The following MAP3K7 variants were observed in gnomAD, a reference collection of about 807,000 sequenced individuals.
The protein encoded by MAP3K7 is mitogen-activated protein kinase kinase kinase 7.
A neutral mutation model predicts 84.8 loss-of-function variants in MAP3K7; 21 were observed. The ratio of observed to expected loss-of-function variants is 0.25; its 90% confidence interval spans 0.18 to 0.36. The LOEUF (loss-of-function observed/expected upper bound fraction) is 0.36, where lower values mean the gene tolerates loss of function less well. Ranked by LOEUF, MAP3K7 falls within the 10% of genes least tolerant of loss-of-function variation. MAP3K7 has a pLI of 1.00. For missense variants in MAP3K7, 503 were observed against 747.7 expected, an observed-to-expected ratio of 0.67 and a Z score of 3.82; for synonymous variants, 241 against 247.7, an observed-to-expected ratio of 0.97 and a Z score of 0.25.
intron 3 of MAP3K7, among the ~76,000 whole-genome samples, chr6:90,566,850 G>A (rs917594528): frequency 6.6e-6 from 1 of 152,042 alleles, no homozygotes; most frequent in Non-Finnish European, 1.5e-5. Flanking sequence ...GCACGGTACT[G>A]GTACCAAAAC....
chr6:90,562,166 C>A (rs1278840839), intron 3 of MAP3K7, among the ~76,000 whole-genome samples: 1 of 152,200 alleles, frequency 6.6e-6, no homozygotes, highest in Admixed American at 6.5e-5. Context: ...GTAAGCGACG[C>A]AGAAGATAGG....
At chr6:90,519,975 TCAAA>T (rs1319238652) in intron 14 of MAP3K7, among the ~76,000 whole-genome samples, 1 of 152,010 alleles carries the variant, frequency 6.6e-6, no homozygotes, top group Admixed American at 6.6e-5. Flanking sequence ...GTTGATTAAT[TCAAA>T]CAATCAGTCA....
chr6:90,573,782 T>C (rs994592122), intron 1 of MAP3K7, among the ~76,000 whole-genome samples: 1 of 152,248 alleles, frequency 6.6e-6, no homozygotes, highest in Non-Finnish European at 1.5e-5. Flanking sequence ...ATCAGTGGCT[T>C]AAAGGAAATG....
intron 3 of MAP3K7, among the ~76,000 whole-genome samples, chr6:90,565,843 C>T (rs1390118192): frequency 6.6e-6 from 1 of 152,148 alleles, no homozygotes; most frequent in Admixed American, 6.5e-5. Flanking sequence ...AATCCAGCAG[C>T]CCATCAAAAA....
rs553708122 is a variant in MAP3K7, at chr6:90,576,910, T to C, written c.121-5103A>G. Among the ~76,000 whole-genome samples the C allele has an allele frequency of 3.9e-5, 6 of 152,318 alleles. No individual in the cohort carries two copies. The South Asian group carries it at 6.2e-4, about 16-fold the overall frequency. On this transcript the variant is annotated intron_variant, in intron 1 of 16. Coordinates refer to ENST00000369329, the MANE Select transcript of MAP3K7 (RefSeq NM_145331.3). ...GCAGAGGTTGGATCCTGAACGGCTC[T>C]ACCTACCATAAAAAGGAGTTTGAAT...
chr6:90,583,673 C>G (rs1014888462), intron 1 of MAP3K7, among the ~76,000 whole-genome samples: 5 of 152,124 alleles, frequency 3.3e-5, no homozygotes, highest in Admixed American at 6.5e-5. Context: ...TAACCACAGG[C>G]CCAGAAAAAT....
intron 7 of MAP3K7, 50 bp from the exon 8 acceptor site, chr6:90,552,229 A>C: frequency 6.5e-7 from 1 of 1,528,096 alleles, no homozygotes; most frequent in Non-Finnish European, 9.0e-7. Context: ...TACCCAAAGA[A>C]TGATGCAAAC....
At chr6:90,572,135 A>G (rs1776926502) in intron 1 of MAP3K7, among the ~76,000 whole-genome samples, 2 of 152,086 alleles carry the variant, frequency 1.3e-5, no homozygotes. Context: ...AAAACAGACA[A>G]GATGAATGAG....
At position 90,586,951 on chromosome 6, in the gene MAP3K7, C is replaced by T. The variant is rs1289790682; in HGVS notation, c.-68G>A. 1.2e-5 allele frequency: 18 copies of T among 1,483,030 alleles called. No individual in the cohort carries two copies. Among genetic ancestry groups the T allele is most frequent in the Non-Finnish European group, 1.6e-5 (18 of 1,124,442 alleles). 91.9% of individuals were successfully genotyped at this position (1,483,030 alleles called of 1,614,324 possible). Reference sequence around the variant, plus strand: ...GGACAATCCGGGTGAGACCCGCGCCCACCCGCCTCCGGACCGACCCTCAGC... The same window carrying T: ...GGACAATCCGGGTGAGACCCGCGCCTACCCGCCTCCGGACCGACCCTCAGC... On this transcript the variant is annotated 5_prime_UTR_variant, in exon 1 of 17. Coordinates refer to ENST00000369329, the MANE Select transcript of MAP3K7 (RefSeq NM_145331.3).
intron 4 of MAP3K7, among the ~76,000 whole-genome samples, chr6:90,560,861 T>C (rs1192810473): frequency 6.6e-6 from 1 of 152,114 alleles, no homozygotes; most frequent in African/African-American, 2.4e-5. Flanking sequence ...TATGGCACAC[T>C]ACTACAAGAG....
At chr6:90,531,570 G>C (rs566588012) in intron 13 of MAP3K7, among the ~76,000 whole-genome samples, 46 of 152,244 alleles carry the variant, frequency 3.0e-4, no homozygotes, top group African/African-American at 1.0e-3. Flanking sequence ...CTGTAGGCTT[G>C]ATCTATTTTG....
At chr6:90,556,440 C>T in intron 6 of MAP3K7, 60 bp downstream of exon 6, 2 of 1,550,274 alleles carry the variant, frequency 1.3e-6, no homozygotes, top group Non-Finnish European at 1.7e-6. Flanking sequence ...TCTATAAAAA[C>T]ATATGAATTC....
At chr6:90,547,909 T>C in intron 10 of MAP3K7, 138 bp downstream of exon 10, 1 of 657,098 alleles carries the variant, frequency 1.5e-6, no homozygotes, top group South Asian at 2.8e-5. Flanking sequence ...CGTGTCTCTA[T>C]TTGTAAGCTC....
intron 1 of MAP3K7, among the ~76,000 whole-genome samples, chr6:90,576,686 AAAG>A (rs1777094918): frequency 6.6e-6 from 1 of 152,188 alleles, no homozygotes; most frequent in African/African-American, 2.4e-5. Flanking sequence ...GCTAAGAAGA[AAAG>A]GAGTATAATT....
At chr6:90,568,496 C>A in intron 3 of MAP3K7, 62 bp downstream of exon 3, 1 of 1,368,074 alleles carries the variant, frequency 7.3e-7, no homozygotes, top group Non-Finnish European at 1.0e-6. Flanking sequence ...GCTACATAAA[C>A]TACACACACA....
At chr6:90,576,804 G>A (rs761873500) in intron 1 of MAP3K7, among the ~76,000 whole-genome samples, 44 of 152,292 alleles carry the variant, frequency 2.9e-4, no homozygotes, top group South Asian at 4.1e-4. Context: ...ATGATTTAGA[G>A]AAATACTTGG....
intron 7 of MAP3K7, among the ~76,000 whole-genome samples, chr6:90,553,108 T>C (rs1776231277): frequency 6.6e-6 from 1 of 152,222 alleles, no homozygotes; most frequent in South Asian, 2.1e-4. Context: ...ATATTAACCA[T>C]GTCAGAGATT....
intron 6 of MAP3K7, among the ~76,000 whole-genome samples, chr6:90,554,430 G>C (rs1248038724): frequency 1.3e-5 from 2 of 152,126 alleles, no homozygotes; most frequent in South Asian, 2.1e-4. Flanking sequence ...GTAGGTGGTT[G>C]AATCAGCCAG....
chr6:90,532,224 G>T (rs925253636), intron 13 of MAP3K7, among the ~76,000 whole-genome samples: 1 of 152,106 alleles, frequency 6.6e-6, no homozygotes, highest in African/African-American at 2.4e-5. Context: ...TTGACACAAG[G>T]TTTCCTTATG....
Sources: allele counts gnomAD v4.1 joint callset (sites outside exome capture counted in the v4.1 genomes callset), GRCh38; gene constraint gnomAD v4.1.1; transcripts MANE v1.5; gene names NCBI Gene and HGNC (gene_info 2026-07-23, HGNC 2026-07-21).